SEL1L3: variants seen among roughly 807,000 people sequenced by gnomAD.
SEL1L3 encodes SEL1L family member 3.
In SEL1L3, 76 loss-of-function variants were observed where a neutral mutation model predicts 142.8. The ratio of observed to expected loss-of-function variants is 0.53; its 90% CI spans 0.44 to 0.64. SEL1L3 has a LOEUF of 0.64. Ranked by LOEUF, SEL1L3 falls within the 30% of genes least tolerant of loss-of-function variation. The pLI is 0.00. For missense variants in SEL1L3, 1,262 were observed against 1,381.7 expected, an observed-to-expected ratio of 0.91 and a Z score of 1.37; for synonymous variants, 504 against 519.6, an observed-to-expected ratio of 0.97 and a Z score of 0.41.
intron 2 of SEL1L3, among the ~76,000 whole-genome samples, chr4:25,836,311 A>G (rs1293115129): frequency 6.6e-6 from 1 of 152,146 alleles, no homozygotes; most frequent in Non-Finnish European, 1.5e-5. Context: ...ATTCTCCCCA[A>G]CTAAAGAAAA....
At chr4:25,790,662 G>T in intron 11 of SEL1L3, 88 bp from the exon 12 acceptor site, 1 of 37,900 alleles carries the variant, frequency 2.6e-5, no homozygotes, top group Non-Finnish European at 4.9e-5. Flanking sequence ...AAGGAAGGAA[G>T]GAAGGGAGGG....
chr4:25,745,121 G>A (rs1372915467), downstream of SEL1L3, among the ~76,000 whole-genome samples: 3 of 152,314 alleles, frequency 2.0e-5, no homozygotes, highest in South Asian at 2.1e-4. Context: ...AAGGCCAGGC[G>A]TGGTGGCTCA....
intron 2 of SEL1L3, among the ~76,000 whole-genome samples, chr4:25,843,312 G>A (rs1039929843): frequency 2.0e-5 from 3 of 152,144 alleles, no homozygotes; most frequent in Admixed American, 2.0e-4. Context: ...AAAACTGGGT[G>A]GCCACTTGCA....
At chr4:25,762,017 C>A (rs1404708591) in intron 20 of SEL1L3, among the ~76,000 whole-genome samples, 1 of 152,118 alleles carries the variant, frequency 6.6e-6, no homozygotes, top group Admixed American at 6.5e-5. Flanking sequence ...GCAATGATCT[C>A]AGCTCACTGT....
chr4:25,793,225 C>G (rs1244953827), intron 11 of SEL1L3, among the ~76,000 whole-genome samples: 1 of 152,082 alleles, frequency 6.6e-6, no homozygotes, highest in Non-Finnish European at 1.5e-5. Context: ...GCCTTACCAT[C>G]GTGAGAAGTA....
Position 25,820,291 on chromosome 4 carries a change from G to A in SEL1L3, c.1291-351C>T, listed in dbSNP as rs192800753. Among the ~76,000 whole-genome samples, 122 of 148,690 alleles carry A rather than the reference G, an allele frequency of 8.2e-4. 2 individuals are homozygous for A. The highest frequency in any genetic ancestry group is 5.2e-3 in the Admixed American group (79 of 15,098). ...CACGAAAAGATGCAAGGGTACCCAC[G>A]ACGTGCCTGCTGCATCAAAGAGAGC... On this transcript the variant is annotated intron_variant, in intron 7 of 23. Transcript: ENST00000399878.
At chr4:25,734,045 A>T in the SEL1L3 span, among the ~76,000 whole-genome samples, 1 of 151,886 alleles carries the variant, frequency 6.6e-6, no homozygotes, top group Non-Finnish European at 1.5e-5. Flanking sequence ...TTTGAGACAG[A>T]GTCTCGCTCT....
chr4:25,758,330 G>T (rs529841621), intron 21 of SEL1L3, among the ~76,000 whole-genome samples: 1 of 152,214 alleles, frequency 6.6e-6, no homozygotes, highest in South Asian at 2.1e-4. Context: ...AATTAGCCTG[G>T]TGTGACAGTG....
chr4:25,804,503 C>T, intron 10 of SEL1L3, 38 bp downstream of exon 10: 2 of 1,451,198 alleles, frequency 1.4e-6, no homozygotes, highest in Non-Finnish European at 1.9e-6. Flanking sequence ...AAATATAATG[C>T]AAGTGACTGA....
intron 23 of SEL1L3, among the ~76,000 whole-genome samples, chr4:25,752,058 G>A (rs1196305207): frequency 7.0e-6 from 1 of 142,794 alleles, no homozygotes; most frequent in Non-Finnish European, 1.5e-5. Context: ...GCAGTGAGCC[G>A]AGATCATGCT....
intron 11 of SEL1L3, among the ~76,000 whole-genome samples, chr4:25,795,567 T>C (rs1024623057): frequency 1.3e-5 from 2 of 152,200 alleles, no homozygotes; most frequent in African/African-American, 4.8e-5. Flanking sequence ...GTGCAGACCA[T>C]CATGGCTCCC....
the SEL1L3 span, among the ~76,000 whole-genome samples, chr4:25,741,877 T>C: frequency 6.6e-6 from 1 of 151,888 alleles, no homozygotes; most frequent in Non-Finnish European, 1.5e-5. Flanking sequence ...GGCGTGATCT[T>C]GACTCACTGC....
At chr4:25,799,137 T>C (rs1712999659) in intron 11 of SEL1L3, among the ~76,000 whole-genome samples, 1 of 152,052 alleles carries the variant, frequency 6.6e-6, no homozygotes, top group South Asian at 2.1e-4. Flanking sequence ...TGCAGTGGCA[T>C]GATCTCAGCT....
rs1390321781 is a variant in SEL1L3 at position 25,798,270 on chromosome 4, A to G, written c.1956+4013T>C. Among the ~76,000 whole-genome samples, 4 of 152,164 alleles carry G rather than the reference A, an allele frequency of 2.6e-5. No homozygotes were observed. In the South Asian group the frequency reaches 8.3e-4, roughly 32 times the overall value. On this transcript the variant is annotated intron_variant, in intron 11 of 23. Transcript: ENST00000399878. ...GCCATTTTATAGAATCAACATCTCT[A>G]GAATGGGCAGCTCAGAAGTTCATCT...
chr4:25,781,031 G>A (rs1414233443), intron 15 of SEL1L3, among the ~76,000 whole-genome samples: 3 of 151,562 alleles, frequency 2.0e-5, no homozygotes, highest in Non-Finnish European at 4.4e-5. Flanking sequence ...TATTTTTAGA[G>A]ACGGAGTTTT....
chr4:25,748,505 T>C lies in SEL1L3; in HGVS notation c.3319A>G (p.Ser1107Gly), dbSNP rs1717384825. ...TCTGCAGCTGGAGTCACAGCTGGAC[T>C]TGCAGTGGACGTGGCAGTGTCTGGG... ...ASPDTATSTA[S>G]PAVTPAADAS... The change falls in exon 24 of 24, where the codon AGT becomes GGT. Residue 1107 changes from serine to glycine, a missense_variant. Physicochemically the swap from Ser to Gly is moderately conservative, Grantham distance 56 (BLOSUM62 0). Transcript: ENST00000399878. The C allele has an allele frequency of 6.2e-7, 1 of 1,611,940 alleles. No individual in the cohort carries two copies. The highest frequency in any genetic ancestry group is 1.3e-5 in the African/African-American group (1 of 74,912).
chr4:25,782,498 T>C (rs746328859), intron 14 of SEL1L3, 80 bp from the exon 15 acceptor site: 1 of 1,277,540 alleles, frequency 7.8e-7, no homozygotes, highest in South Asian at 1.4e-5. Flanking sequence ...TGTGGAAGCA[T>C]TCTGCCTAAG....
chr4:25,843,880 C>T (rs1477774787), intron 2 of SEL1L3, among the ~76,000 whole-genome samples: 5 of 152,274 alleles, frequency 3.3e-5, no homozygotes, highest in African/African-American at 4.8e-5. Context: ...TCTGGACACA[C>T]GTGGCCCTCG....
At position 25,786,347 on chromosome 4, in the gene SEL1L3, C is replaced by A. The variant is rs998777402; in HGVS notation, c.2217+1877G>T. Reference sequence around the variant, plus strand: ...ACAGGCGGAAATCTTCCCTGAGATGCTAGTAAAGGGCTTCCTTCCTCCCAC... The same window carrying A: ...ACAGGCGGAAATCTTCCCTGAGATGATAGTAAAGGGCTTCCTTCCTCCCAC... On this transcript the variant is annotated intron_variant, in intron 13 of 23. Coordinates refer to ENST00000399878, the MANE Select transcript of SEL1L3 (RefSeq NM_015187.5). 3.9e-5 allele frequency among the ~76,000 whole-genome samples: 6 copies of A among 152,290 alleles called. No individual in the cohort carries two copies. The East Asian group carries it at 1.2e-3, about 29-fold the overall frequency.
Sources: gnomAD v4.1 joint callset for allele counts (sites outside exome capture counted in the v4.1 genomes callset) on GRCh38, gnomAD v4.1.1 for gene constraint, MANE v1.5 for transcripts, NCBI Gene and HGNC (gene_info 2026-07-23, HGNC 2026-07-21) for gene names.